Variants in FMNL2 observed in about 807,000 individuals in gnomAD.
The protein encoded by FMNL2 is formin-like protein 2.
In FMNL2, 51 loss-of-function variants were observed where a neutral mutation model predicts 130.2. That is an observed-to-expected ratio of 0.39 (90% CI 0.31 to 0.49). FMNL2 has a LOEUF of 0.49. Among genes scored for constraint, FMNL2 ranks in the 20% least tolerant of loss-of-function variants. The probability of loss-of-function intolerance (pLI) is 0.85; values close to 1 mark genes in which losing one functional copy is unlikely to be tolerated. For missense variants in FMNL2, 977 were observed against 1,316.2 expected, an observed-to-expected ratio of 0.74 and a Z score of 3.99; for synonymous variants, 465 against 467.1, an observed-to-expected ratio of 1.00 and a Z score of 0.06.
At chr2:152,456,932 C>T in intron 1 of FMNL2, among the ~76,000 whole-genome samples, 2 of 136,036 alleles carry the variant, frequency 1.5e-5, no homozygotes, top group Non-Finnish European at 1.5e-5. Flanking sequence ...GTGAGACTCC[C>T]TTTCAAAAAA....
chr2:152,578,844 C>A lies in FMNL2; in HGVS notation c.706-44C>A, dbSNP rs1317948006. Reference sequence around the variant, plus strand: ...CAATACTGACAGTTCCCTAACTTGTCTCCCAATGCTTTGTGTTTCTTTTTT... The same window carrying A: ...CAATACTGACAGTTCCCTAACTTGTATCCCAATGCTTTGTGTTTCTTTTTT... On this transcript the variant is annotated intron_variant, in intron 7 of 25. Coordinates refer to ENST00000288670, the MANE Select transcript of FMNL2 (RefSeq NM_052905.4). 2.6e-6 allele frequency: 4 copies of A among 1,531,358 alleles called. No individual in the cohort carries two copies. In the Admixed American group the frequency reaches 7.5e-5, roughly 29 times the overall value. The allele number at this position is 1,531,358 out of a possible 1,614,324, so 94.9% of individuals were successfully genotyped here.
chr2:152,378,112 G>GAA lies in FMNL2; in HGVS notation c.117+42410_117+42411dup, dbSNP rs373312727. ...AGGTGACAGAGTGAGACCCTGTCTT[G>GAA]AAAAAAAAAAAAAAAAAAAGTTAAA... On this transcript the variant is annotated intron_variant, in intron 1 of 25. Transcript: ENST00000288670. Among the ~76,000 whole-genome samples, 168 of 119,976 alleles carry GAA rather than the reference G, an allele frequency of 1.4e-3. No homozygotes were observed. The Middle Eastern group carries it at 0.017, about 12-fold the overall frequency. 78.7% of individuals were successfully genotyped at this position (119,976 alleles called of 152,430 possible).
intron 1 of FMNL2, among the ~76,000 whole-genome samples, chr2:152,441,979 G>A (rs889187274): frequency 3.3e-5 from 5 of 152,134 alleles, no homozygotes; most frequent in Non-Finnish European, 7.4e-5. Context: ...GTCTGTGTGT[G>A]TTTGTTTTTT....
intron 1 of FMNL2, among the ~76,000 whole-genome samples, chr2:152,492,982 C>A (rs189803406): frequency 1.3e-5 from 2 of 152,268 alleles, no homozygotes; most frequent in East Asian, 3.9e-4. Context: ...CACTGCCCAA[C>A]ATGAAGCCAA....
intron 1 of FMNL2, among the ~76,000 whole-genome samples, chr2:152,499,405 G>A (rs902944263): frequency 1.1e-4 from 17 of 152,292 alleles, no homozygotes; most frequent in African/African-American, 3.4e-4. Context: ...GCTTTTGGAG[G>A]AAGCTGAGTG....
chr2:152,647,750 G>T, intron 25 of FMNL2, 46 bp from the exon 26 acceptor site: 1 of 1,576,938 alleles, frequency 6.3e-7, no homozygotes, highest in African/African-American at 1.3e-5. Context: ...TTAGACACAT[G>T]CTATTAAAGG....
At chr2:152,567,859 A>C (rs1009176430) in intron 6 of FMNL2, among the ~76,000 whole-genome samples, 4 of 152,144 alleles carry the variant, frequency 2.6e-5, no homozygotes, top group Non-Finnish European at 4.4e-5. Flanking sequence ...TTTTCCTTAC[A>C]AAAATGCTTT....
chr2:152,480,469 T>C (rs1690442251), intron 1 of FMNL2, among the ~76,000 whole-genome samples: 1 of 151,636 alleles, frequency 6.6e-6, no homozygotes, highest in Non-Finnish European at 1.5e-5. Flanking sequence ...ACCCCGTCTC[T>C]ACTAAAACTA....
At chr2:152,410,306 A>G (rs1287227125) in intron 1 of FMNL2, among the ~76,000 whole-genome samples, 1 of 152,192 alleles carries the variant, frequency 6.6e-6, no homozygotes, top group African/African-American at 2.4e-5. Context: ...TCACACCATC[A>G]CATTGTCTTC....
chr2:152,641,225 T>C (rs939532200), intron 25 of FMNL2, among the ~76,000 whole-genome samples: 1 of 152,206 alleles, frequency 6.6e-6, no homozygotes, highest in Non-Finnish European at 1.5e-5. Context: ...CCTGCCTGAT[T>C]AATAAACACT....
intron 1 of FMNL2, among the ~76,000 whole-genome samples, chr2:152,375,443 A>G (rs1238375329): frequency 6.6e-6 from 1 of 152,250 alleles, no homozygotes; most frequent in African/African-American, 2.4e-5. Flanking sequence ...GAGTTGGCAT[A>G]GAACAAGTAC....
intron 14 of FMNL2, 127 bp from the exon 15 acceptor site, chr2:152,619,382 G>T: frequency 1.9e-5 from 27 of 1,449,274 alleles, no homozygotes; most frequent in Admixed American, 2.7e-5. Context: ...ACATTTTTTG[G>T]TTTTTGAAAA....
chr2:152,479,435 G>T (rs547620097), intron 1 of FMNL2, among the ~76,000 whole-genome samples: 4 of 152,320 alleles, frequency 2.6e-5, no homozygotes, highest in Admixed American at 2.6e-4. Flanking sequence ...GTGAGCCACT[G>T]CTTCCGGCCA....
Position 152,335,406 on chromosome 2 carries a change from T to G in FMNL2, c.-198T>G. 3.8e-5 allele frequency: 11 copies of G among 291,914 alleles called. No individual in the cohort carries two copies. Among genetic ancestry groups the G allele is most frequent in the African/African-American group, 6.8e-5 (3 of 44,436 alleles). 18.1% of individuals were successfully genotyped at this position (291,914 alleles called of 1,614,324 possible). ...GGCCGCGCTGGGGCGGCGGAGAGCA[T>G]GAGGGAGGCCGGGGGGCGGCTCGGC... On this transcript the variant is annotated 5_prime_UTR_variant, in exon 1 of 26. An upstream start codon of the reference 5' UTR is lost. Transcript: ENST00000288670.
chr2:152,556,461 C>CAA (rs145701099), intron 4 of FMNL2, among the ~76,000 whole-genome samples: 1,720 of 152,214 alleles, frequency 0.011, 29 homozygotes, highest in African/African-American at 0.04. Context: ...CCCTTTCACT[C>CAA]AAAGTCAGGA....
At chr2:152,402,862 C>T (rs111389099) in intron 1 of FMNL2, among the ~76,000 whole-genome samples, 27 of 152,174 alleles carry the variant, frequency 1.8e-4, no homozygotes, top group Non-Finnish European at 3.7e-4. Flanking sequence ...GCTTTATTCA[C>T]CTTTCCTCAG....
chr2:152,637,489 G>A, intron 22 of FMNL2, 84 bp from the exon 23 acceptor site: 1 of 1,051,088 alleles, frequency 9.5e-7, no homozygotes, highest in Non-Finnish European at 1.5e-6. Context: ...TCTTGTGGCT[G>A]CTGCTTTGCA....
At chr2:152,579,448 A>T (rs1430493390) in intron 8 of FMNL2, among the ~76,000 whole-genome samples, 2 of 152,252 alleles carry the variant, frequency 1.3e-5, no homozygotes, top group African/African-American at 4.8e-5. Context: ...CTGTAATCTC[A>T]GCACTTTGGG....
At chr2:152,442,577 C>A (rs1241251832) in intron 1 of FMNL2, among the ~76,000 whole-genome samples, 1 of 152,098 alleles carries the variant, frequency 6.6e-6, no homozygotes, top group African/African-American at 2.4e-5. Context: ...TATGCTATTT[C>A]ATTTACTGAT....
Sources: allele counts gnomAD v4.1 joint callset (sites outside exome capture counted in the v4.1 genomes callset), GRCh38; gene constraint gnomAD v4.1.1; transcripts MANE v1.5; gene names NCBI Gene and HGNC (gene_info 2026-07-23, HGNC 2026-07-21).